SOX6: variants seen among roughly 807,000 people sequenced by gnomAD.
SOX6 encodes transcription factor SOX-6.
A neutral mutation model predicts 97.8 loss-of-function variants in SOX6; 11 were observed. That is an observed-to-expected ratio of 0.11 (90% confidence interval 0.07 to 0.19). The LOEUF (loss-of-function observed/expected upper bound fraction) is 0.19. SOX6 is among the 10% of genes least tolerant of loss of function. SOX6 has a pLI of 1.00. For missense variants in SOX6, 810 were observed against 1,039.5 expected (o/e 0.78, Z 3.04); for synonymous variants, 360 against 371.4 (o/e 0.97, Z 0.35).
At chr11:16,499,885 G>A (rs1360765349) in intron 4 of SOX6, among the ~76,000 whole-genome samples, 3 of 152,136 alleles carry the variant, frequency 2.0e-5, no homozygotes, top group Non-Finnish European at 4.4e-5. Flanking sequence ...AGAGGTACAA[G>A]GAGGAACTGG....
chr11:16,572,324 A>T, intron 4 of SOX6, among the ~76,000 whole-genome samples: 1 of 152,202 alleles, frequency 6.6e-6, no homozygotes, highest in African/African-American at 2.4e-5. Flanking sequence ...ACATTTTATA[A>T]TCCCAAGATT....
chr11:15,991,622 A>T (rs2119820724), intron 13 of SOX6, among the ~76,000 whole-genome samples: 1 of 152,366 alleles, frequency 6.6e-6, no homozygotes, highest in Admixed American at 6.5e-5. Context: ...GGTGATTAAC[A>T]TTTGAGCCTG....
intron 9 of SOX6, among the ~76,000 whole-genome samples, chr11:16,070,071 C>T (rs1285631591): frequency 2.6e-5 from 4 of 152,264 alleles, no homozygotes; most frequent in East Asian, 3.9e-4. Context: ...AGGAGAATGG[C>T]GTGAACCTGG....
chr11:16,066,444 C>G (rs2133936218), intron 9 of SOX6, among the ~76,000 whole-genome samples: 1 of 152,284 alleles, frequency 6.6e-6, no homozygotes. Flanking sequence ...AAAGAGATAT[C>G]CGCATCCCCA....
At chr11:16,565,824 C>T (rs958986126) in intron 4 of SOX6, among the ~76,000 whole-genome samples, 2 of 151,722 alleles carry the variant, frequency 1.3e-5, no homozygotes, top group Non-Finnish European at 2.9e-5. Flanking sequence ...AGGCCGGGCG[C>T]AGTGGCTCAC....
chr11:15,972,746 T>C lies in SOX6; in HGVS notation c.*63A>G. On this transcript the variant is annotated 3_prime_UTR_variant, in exon 16 of 16. Coordinates refer to ENST00000683767, the MANE Select transcript of SOX6 (RefSeq NM_001367873.1). Reference sequence around the variant, plus strand: ...CCACAAATGCATGCGGGCTCTTTAATAACTCTTTGTTGGGGAGGGGGGTGA... The same window carrying C: ...CCACAAATGCATGCGGGCTCTTTAACAACTCTTTGTTGGGGAGGGGGGTGA... 1 of 1,574,774 alleles carries C rather than the reference T, an allele frequency of 6.4e-7. No individual in the cohort carries two copies. The highest frequency in any genetic ancestry group is 2.2e-5 in the East Asian group (1 of 44,610).
chr11:16,507,313 A>G (rs1194247250), intron 4 of SOX6, among the ~76,000 whole-genome samples: 1 of 152,150 alleles, frequency 6.6e-6, no homozygotes, highest in African/African-American at 2.4e-5. Context: ...TGTATAAGAA[A>G]AGACTAATAC....
chr11:16,123,421 T>C (rs1182262746), intron 6 of SOX6, among the ~76,000 whole-genome samples: 1 of 152,032 alleles, frequency 6.6e-6, no homozygotes, highest in Non-Finnish European at 1.5e-5. Flanking sequence ...AAATTGTCCC[T>C]CCTTGGAAGT....
At chr11:16,047,014 A>T (rs1482772842) in intron 11 of SOX6, among the ~76,000 whole-genome samples, 2 of 152,080 alleles carry the variant, frequency 1.3e-5, no homozygotes, top group East Asian at 3.9e-4. Context: ...CTCTGCCTGT[A>T]TGTACAACTG....
intron 4 of SOX6, among the ~76,000 whole-genome samples, chr11:16,564,205 A>T (rs891794118): frequency 6.6e-6 from 1 of 152,210 alleles, no homozygotes. Flanking sequence ...GTGTGAATAA[A>T]TACAATAGGA....
chr11:15,985,580 T>C (rs541025283), intron 15 of SOX6, among the ~76,000 whole-genome samples: 1 of 152,330 alleles, frequency 6.6e-6, no homozygotes, highest in South Asian at 2.1e-4. Flanking sequence ...AGTTGAAATT[T>C]ATACCAGAAA....
At chr11:16,293,595 T>C (rs996138299) in intron 3 of SOX6, among the ~76,000 whole-genome samples, 2 of 152,024 alleles carry the variant, frequency 1.3e-5, no homozygotes, top group African/African-American at 4.8e-5. Context: ...GCTAGCACTC[T>C]CACTACATTC....
intron 2 of SOX6, among the ~76,000 whole-genome samples, chr11:16,320,361 A>G (rs1468804498): frequency 1.3e-5 from 2 of 152,110 alleles, no homozygotes; most frequent in South Asian, 2.1e-4. Context: ...AAAAGGGGGG[A>G]AAAGGAAAAT....
chr11:16,305,944 T>C (rs1269789628), intron 3 of SOX6, among the ~76,000 whole-genome samples: 2 of 152,162 alleles, frequency 1.3e-5, no homozygotes, highest in African/African-American at 2.4e-5. Flanking sequence ...AGGTGAGGGA[T>C]GCTGGCATTG....
intron 6 of SOX6, among the ~76,000 whole-genome samples, chr11:16,176,052 G>A (rs1057281654): frequency 3.3e-4 from 44 of 132,500 alleles, no homozygotes; most frequent in African/African-American, 1.2e-3. Context: ...TGGATGGATG[G>A]ACGGACAGAC....
chr11:16,091,974 G>C (rs1175785581), intron 9 of SOX6, among the ~76,000 whole-genome samples: 1 of 152,006 alleles, frequency 6.6e-6, no homozygotes, highest in African/African-American at 2.4e-5. Context: ...AACTCTGCCT[G>C]TAACAATATT....
chr11:16,299,842 T>C (rs1053706166), intron 3 of SOX6, among the ~76,000 whole-genome samples: 1 of 152,102 alleles, frequency 6.6e-6, no homozygotes, highest in Admixed American at 6.6e-5. Flanking sequence ...TGCAACACCA[T>C]AAAAAGGAAT....
rs545709348 is a variant in SOX6, at chr11:16,132,708, T to G, written c.778-20785A>C. Among the ~76,000 whole-genome samples, 70 of 151,976 alleles carry G rather than the reference T, an allele frequency of 4.6e-4. 1 individual carries two copies. The Middle Eastern group carries it at 0.014, about 30-fold the overall frequency. On this transcript the variant is annotated intron_variant, in intron 6 of 15. Coordinates refer to ENST00000683767, the MANE Select transcript of SOX6 (RefSeq NM_001367873.1). ...TATCGGGTTACCTTTTTTTTTTTTT[T>G]TTGTTCCATTTACACTAACTTGTCA...
At chr11:16,378,075 T>A (rs1857691460) in intron 1 of SOX6, among the ~76,000 whole-genome samples, 1 of 152,190 alleles carries the variant, frequency 6.6e-6, no homozygotes, top group Admixed American at 6.6e-5. Flanking sequence ...TTAAATATGT[T>A]CATTAAAGTA....
Sources: gnomAD v4.1 joint callset for allele counts (sites outside exome capture counted in the v4.1 genomes callset) on GRCh38, gnomAD v4.1.1 for gene constraint, MANE v1.5 for transcripts, NCBI Gene and HGNC (gene_info 2026-07-23, HGNC 2026-07-21) for gene names.